VMAC: variants seen among roughly 807,000 people sequenced by gnomAD.
VMAC encodes the protein vimentin-type intermediate filament-associated coiled-coil protein.
In VMAC, 8 loss-of-function variants were observed where a neutral mutation model predicts 4.8. The ratio of observed to expected loss-of-function variants is 1.68; its 90% CI spans 0.99 to 3.03. The LOEUF is 3.03. Among genes scored for constraint, VMAC ranks in the 30% most tolerant of loss-of-function variants. The pLI, the probability that VMAC is intolerant of heterozygous loss-of-function variation, is 0.00. For missense variants in VMAC, 248 were observed against 245.1 expected, an observed-to-expected ratio of 1.01 and a Z score of -0.08; for synonymous variants, 96 against 113.7, an observed-to-expected ratio of 0.84 and a Z score of 0.99.
intron 1 of VMAC, among the ~76,000 whole-genome samples, chr19:5,906,870 C>T (rs539052): frequency 0.65 from 99,111 of 151,684 alleles, 32,599 homozygotes; most frequent in Admixed American, 0.77. Flanking sequence ...ACTAAAAATA[C>T]AAAAAAATTA....
rs1359758278 is a variant in VMAC, at chr19:5,908,611, G to A, written c.192-213G>A. ...AGCCTGGGCGACAGAGCTAGACTTCGTCTCAAAAAAAAATAATAATAAAAT... is the reference window on the plus strand; with the variant it reads ...AGCCTGGGCGACAGAGCTAGACTTCATCTCAAAAAAAAATAATAATAAAAT... On this transcript the variant is annotated intron_variant, in intron 1 of 1. Transcript: ENST00000339485. This position sits in a 1 kb window ranked among gnomAD's most constrained non-coding sequence, Gnocchi z 4.5. 6.0e-5 allele frequency among the ~76,000 whole-genome samples: 7 copies of A among 117,504 alleles called. No individual in the cohort carries two copies. Among genetic ancestry groups the A allele is most frequent in the Middle Eastern group, 3.7e-3 (1 of 272 alleles). 77.1% of individuals were successfully genotyped at this position (117,504 alleles called of 152,430 possible).
intron 1 of VMAC, among the ~76,000 whole-genome samples, chr19:5,907,134 G>A (rs1322069870): frequency 3.3e-5 from 5 of 152,206 alleles, no homozygotes; most frequent in Admixed American, 3.3e-4. Flanking sequence ...AGCATGGTCA[G>A]GTTATGGGAG....
At position 5,909,021 on chromosome 19, in the gene VMAC, T is replaced by C; in HGVS notation, c.389T>C (p.Leu130Pro). ...ALAEAERLGP[L>P]PASDPGHPPP... ...GCTGAGGCTGAGCGCCTGGGGCCCC[T>C]GCCGGCCAGTGACCCCGGCCACCCA... Residue 130 changes from leucine (L) to proline (P), a missense_variant, in exon 2 of 2, where the codon CTG (leucine) becomes CCG (proline). Leu to Pro is a moderately conservative substitution (Grantham distance 98). Transcript: ENST00000339485. The C allele has an allele frequency of 1.9e-6, 3 of 1,585,750 alleles. No homozygotes were observed. The South Asian group carries it at 3.4e-5, about 18-fold the overall frequency.
In VMAC at chr19:5,905,017, C is replaced by A; in HGVS notation, c.127C>A (p.Arg43Ser). 2.8e-6 allele frequency: 4 copies of A among 1,411,444 alleles called. No individual in the cohort carries two copies. The highest frequency in any genetic ancestry group is 1.5e-5 in the African/African-American group (1 of 66,332). 87.4% of individuals were successfully genotyped at this position (1,411,444 alleles called of 1,614,324 possible). The change falls in exon 1 of 2, where the codon CGC becomes AGC. Residue 43 changes from arginine (R) to serine (S), a missense_variant. Coordinates refer to ENST00000339485, the MANE Select transcript of VMAC (RefSeq NM_001017921.4). The stretch of plus-strand genomic sequence containing the variant: ...GCGCACGGTGCACGCCCAAGCCGAG[C>A]GCCTGGCCCTCCACGACCAGCAGCT... ...AERTVHAQAE[R>S]LALHDQQLRA...
chr19:5,904,925 C>G lies in VMAC; in HGVS notation c.35C>G (p.Ala12Gly). Residue 12 changes from alanine (A) to glycine (G), a missense_variant, in exon 1 of 2, where the codon GCA becomes GGA. Transcript: ENST00000339485. ...CCGCCGGCCCTGCAGATCCGGGAGGCAAACGCACACCTGGCAGCCGTGCAC... is the reference window on the plus strand; with the variant it reads ...CCGCCGGCCCTGCAGATCCGGGAGGGAAACGCACACCTGGCAGCCGTGCAC... ...SAPPALQIRE[A>G]NAHLAAVHRR... The G allele has an allele frequency of 6.7e-7, 1 of 1,491,104 alleles. No individual in the cohort carries two copies. Among genetic ancestry groups the G allele is most frequent in the Non-Finnish European group, 8.8e-7 (1 of 1,131,014 alleles). The allele number at this position is 1,491,104 out of a possible 1,614,324, so 92.4% of individuals were successfully genotyped here. A position where few individuals can be genotyped will look rare whatever the true frequency, so the allele number is the denominator to read the frequency against.
intron 1 of VMAC, 33 bp downstream of exon 1, chr19:5,905,114 C>G: frequency 7.5e-7 from 1 of 1,334,110 alleles, no homozygotes; most frequent in African/African-American, 1.5e-5. Context: ...TGGACTTCAC[C>G]GAGGCGGTAG....
In VMAC at chr19:5,908,423, T is replaced by C. The variant is rs1009167414; in HGVS notation, c.192-401T>C. Among the ~76,000 whole-genome samples, 13 of 152,238 alleles carry C rather than the reference T, an allele frequency of 8.5e-5. No individual in the cohort carries two copies. The highest frequency in any genetic ancestry group is 2.9e-4 in the African/African-American group (12 of 41,544). ...CGTGGTCAGGAGTTCGAGACCAGCC[T>C]GGCCAGCATGGTGAAACCCCATCTC... On this transcript the variant is annotated intron_variant, in intron 1 of 1. Coordinates refer to ENST00000339485, the MANE Select transcript of VMAC (RefSeq NM_001017921.4). The surrounding 1 kb of genome is among the most constrained non-coding windows in gnomAD (Gnocchi z 4.5).
chr19:5,910,652 A>T lies in VMAC; in HGVS notation c.*1510A>T, dbSNP rs2057694473. The T allele has an allele frequency of 6.7e-6, 1 of 148,462 alleles. No individual in the cohort carries two copies. The highest frequency in any genetic ancestry group is 1.5e-5 in the Non-Finnish European group (1 of 67,398). The allele number at this position is 148,462 out of a possible 1,614,324, so 9.2% of individuals were successfully genotyped here. ...ACCACTGCACTCCAGCCTGGGAGAC[A>T]GAGTGAGACTCAGTCTCAAAGAAAA... On this transcript the variant is annotated 3_prime_UTR_variant, in exon 2 of 2. Coordinates refer to ENST00000339485, the MANE Select transcript of VMAC (RefSeq NM_001017921.4).
chr19:5,909,305 A>G lies in VMAC; in HGVS notation c.*163A>G. The stretch of plus-strand genomic sequence containing the variant: ...AAGTTTTCAAATAGGCCCACAGGCC[A>G]GGTGCAGACGTTTAACCCAGACAGA... On this transcript the variant is annotated 3_prime_UTR_variant, in exon 2 of 2. Transcript: ENST00000339485. 1 of 678,934 alleles carries G rather than the reference A, an allele frequency of 1.5e-6. No individual in the cohort carries two copies. The highest frequency in any genetic ancestry group is 3.4e-5 in the Admixed American group (1 of 29,150). The allele number at this position is 678,934 out of a possible 1,614,324, so 42.1% of individuals were successfully genotyped here. A position where few individuals can be genotyped will look rare whatever the true frequency, so the allele number is the denominator to read the frequency against.
At chr19:5,907,638 T>C (rs1464894836) in intron 1 of VMAC, among the ~76,000 whole-genome samples, 1 of 31,144 alleles carries the variant, frequency 3.2e-5, no homozygotes, top group Non-Finnish European at 6.3e-5. Flanking sequence ...AAAAAAAAAT[T>C]AGCTGGGCAT....
chr19:5,908,605 G>A lies in VMAC; in HGVS notation c.192-219G>A, dbSNP rs1266060200. Among the ~76,000 whole-genome samples, 2 of 143,684 alleles carry A rather than the reference G, an allele frequency of 1.4e-5. No homozygotes were observed. The highest frequency in any genetic ancestry group is 1.5e-4 in the Admixed American group (2 of 13,144). The allele number at this position is 143,684 out of a possible 152,430, so 94.3% of individuals were successfully genotyped here. ...CACTCCAGCCTGGGCGACAGAGCTA[G>A]ACTTCGTCTCAAAAAAAAATAATAA... On this transcript the variant is annotated intron_variant, in intron 1 of 1. Transcript: ENST00000339485. The surrounding 1 kb of genome is among the most constrained non-coding windows in gnomAD (Gnocchi z 4.5).
chr19:5,906,283 T>A (rs1463851130), intron 1 of VMAC, among the ~76,000 whole-genome samples: 1 of 152,216 alleles, frequency 6.6e-6, no homozygotes. Context: ...TCAGCATTGT[T>A]GAAGAGTCCC....
At chr19:5,907,219 T>C (rs1288067209) in intron 1 of VMAC, among the ~76,000 whole-genome samples, 2 of 152,026 alleles carry the variant, frequency 1.3e-5, no homozygotes, top group Non-Finnish European at 2.9e-5. Flanking sequence ...GGGAGTTCTT[T>C]TGTATCTCTT....
chr19:5,908,887 C>T lies in VMAC; in HGVS notation c.255C>T (p.Ala85=). 2 of 1,614,018 alleles carry T rather than the reference C, an allele frequency of 1.2e-6. No individual in the cohort carries two copies. The highest frequency in any genetic ancestry group is 1.7e-6 in the Non-Finnish European group (2 of 1,180,004). ...TSEATVHSLQ[A]TVHQRDELIR... The stretch of plus-strand genomic sequence containing the variant: ...AAGCCACTGTCCACAGCCTGCAGGC[C>T]ACCGTGCACCAGAGGGACGAGCTCA... Residue 85 remains alanine, a synonymous_variant, in exon 2 of 2, where the codon GCC becomes GCT. Transcript: ENST00000339485. The surrounding 1 kb of genome is among the most constrained non-coding windows in gnomAD (Gnocchi z 4.5).
In VMAC at chr19:5,908,556, C is replaced by G. The variant is rs1365668069; in HGVS notation, c.192-268C>G. 6.6e-6 allele frequency among the ~76,000 whole-genome samples: 1 copy of G among 151,436 alleles called. No homozygotes were observed. Among genetic ancestry groups the G allele is most frequent in the South Asian group, 2.1e-4 (1 of 4,812 alleles). On this transcript the variant is annotated intron_variant, in intron 1 of 1. Transcript: ENST00000339485. This position sits in a 1 kb window ranked among gnomAD's most constrained non-coding sequence, Gnocchi z 4.5. ...GCTTGAACCCTGGAGCCGGAAGTTG[C>G]AGTGAGCTGAGATTGCACCATTGCA...
Position 5,908,115 on chromosome 19 carries a change from G to T in VMAC, c.192-709G>T, listed in dbSNP as rs936574310. ...TCCCAGTACTTTGGGAGGCCAAGGC[G>T]GGTGGATCACTTGAGGTCAGGAGTT... On this transcript the variant is annotated intron_variant, in intron 1 of 1. Transcript: ENST00000339485. The surrounding 1 kb of genome is among the most constrained non-coding windows in gnomAD (Gnocchi z 4.5). Among the ~76,000 whole-genome samples the T allele has an allele frequency of 5.9e-5, 9 of 152,200 alleles. No individual in the cohort carries two copies. Among genetic ancestry groups the T allele is most frequent in the African/African-American group, 2.2e-4 (9 of 41,450 alleles).
rs1191283055 is a variant in VMAC, at chr19:5,905,199, A to T, written c.191+118A>T. 6.3e-6 allele frequency: 7 copies of T among 1,116,910 alleles called. No homozygotes were observed. The South Asian group carries it at 1.3e-4, about 21-fold the overall frequency. The allele number at this position is 1,116,910 out of a possible 1,614,324, so 69.2% of individuals were successfully genotyped here. On this transcript the variant is annotated intron_variant, in intron 1 of 1. Transcript: ENST00000339485. The stretch of plus-strand genomic sequence containing the variant: ...GTGCACTTGTATAGACGCTAGACTG[A>T]GTATCGGATTGATAAAAACACCAAA...
chr19:5,906,996 C>A (rs189345640), intron 1 of VMAC, among the ~76,000 whole-genome samples: 2 of 152,344 alleles, frequency 1.3e-5, no homozygotes, highest in East Asian at 1.9e-4. Flanking sequence ...CACTGCACTC[C>A]AGCCTGGGCA....
chr19:5,905,018 G>C lies in VMAC; in HGVS notation c.128G>C (p.Arg43Pro), dbSNP rs571818716. The change falls in exon 1 of 2, where the codon CGC becomes CCC. Residue 43 changes from arginine to proline, a missense_variant. By Grantham distance (103) the Arg-to-Pro change is moderately radical. Transcript: ENST00000339485. ...CGCACGGTGCACGCCCAAGCCGAGC[G>C]CCTGGCCCTCCACGACCAGCAGCTG... ...AERTVHAQAE[R>P]LALHDQQLRA... 3.5e-6 allele frequency: 5 copies of C among 1,411,264 alleles called. No homozygotes were observed. The East Asian group carries it at 1.5e-4, about 43-fold the overall frequency. 87.4% of individuals were successfully genotyped at this position (1,411,264 alleles called of 1,614,324 possible).
Sources: gnomAD v4.1 joint callset for allele counts (sites outside exome capture counted in the v4.1 genomes callset) on GRCh38, gnomAD v4.1.1 for gene constraint, Gnocchi (gnomAD v3.1) non-coding constraint, MANE v1.5 for transcripts, NCBI Gene and HGNC (gene_info 2026-07-23, HGNC 2026-07-21) for gene names.